TLE5: variants seen among roughly 807,000 people sequenced by gnomAD.
The protein encoded by TLE5 is TLE family member 5, transcriptional modulator.
TLE5 carries 7 observed loss-of-function variants against 25.8 expected under a neutral mutation model. That is an observed-to-expected ratio of 0.27 (90% CI 0.15 to 0.51). The LOEUF is 0.51. Ranked by LOEUF, TLE5 falls within the 20% of genes least tolerant of loss-of-function variation. The probability of loss-of-function intolerance (pLI) is 0.97; values close to 1 mark genes in which losing one functional copy is unlikely to be tolerated. For missense variants in TLE5, 149 were observed against 250.7 expected (o/e 0.59, Z 2.74); for synonymous variants, 132 against 110.5 (o/e 1.20, Z -1.22).
At position 3,054,004 on chromosome 19, in the gene TLE5, C is replaced by T; in HGVS notation, c.409G>A (p.Ala137Thr). Reference protein sequence around the residue: ...LQAHQLSQLQALALPLTPLPV... With the variant: ...LQAHQLSQLQTLALPLTPLPV... ...AGTGGGGTCAAGGGCAGGGCCAGGG[C>T]CTGCAGCTGGGACAGCTGGTGGGCT... Residue 137 changes from alanine to threonine, a missense_variant, in exon 7 of 7, where the codon GCC becomes ACC. Ala to Thr is a moderately conservative substitution (Grantham distance 58). Coordinates refer to ENST00000327141, the MANE Select transcript of TLE5 (RefSeq NM_001130.6). 1 of 1,605,516 alleles carries T rather than the reference C, an allele frequency of 6.2e-7. No individual in the cohort carries two copies. The highest frequency in any genetic ancestry group is 8.5e-7 in the Non-Finnish European group (1 of 1,176,970).
At chr19:3,057,789 G>A (rs774855281) in intron 2 of TLE5, 47 bp from the exon 3 acceptor site, 13 of 1,571,932 alleles carry the variant, frequency 8.3e-6, no homozygotes, top group Middle Eastern at 1.7e-4. Flanking sequence ...GCGGCTGGGC[G>A]GGAGCCCCCC....
At chr19:3,056,681 A>C in intron 3 of TLE5, 1 of 525,964 alleles carries the variant, frequency 1.9e-6, no homozygotes, top group Non-Finnish European at 3.6e-6. Context: ...AGGGCTCCTA[A>C]TCTTGTATCT....
At chr19:3,059,732 C>T (rs1014776511) in intron 2 of TLE5, among the ~76,000 whole-genome samples, 1 of 152,104 alleles carries the variant, frequency 6.6e-6, no homozygotes, top group African/African-American at 2.4e-5. Context: ...TCCGGCTTAG[C>T]AGAGGTCACA....
At chr19:3,055,881 G>A (rs997495873) in intron 4 of TLE5, 155 bp from the exon 5 acceptor site, 4 of 719,172 alleles carry the variant, frequency 5.6e-6, no homozygotes, top group Non-Finnish European at 6.5e-6. Context: ...AGCCGTGTTC[G>A]GGCCCGAGGG....
In TLE5 at chr19:3,054,173, C is replaced by T; in HGVS notation, c.319G>A (p.Ala107Thr). 1 of 1,596,230 alleles carries T rather than the reference C, an allele frequency of 6.3e-7. No individual in the cohort carries two copies. Among genetic ancestry groups the T allele is most frequent in the Non-Finnish European group, 8.5e-7 (1 of 1,175,472 alleles). ...GTGACCTGCTTGGCCCTCTCAATGG[C>T]TCCCAAGACCTGCTGCTGGTGCTGG... Reference protein sequence around the residue: ...SQEHQQQVLGAIERAKQVTAP... With the variant: ...SQEHQQQVLGTIERAKQVTAP... The change falls in exon 6 of 7, where the codon GCC becomes ACC. Residue 107 changes from alanine (A) to threonine (T), a missense_variant. Physicochemically the swap from Ala to Thr is moderately conservative, Grantham distance 58. Transcript: ENST00000327141.
chr19:3,055,615 G>A, intron 5 of TLE5, 49 bp downstream of exon 5: 1 of 1,525,418 alleles, frequency 6.6e-7, no homozygotes, highest in South Asian at 1.2e-5. Context: ...CAGGGGCTGG[G>A]CAAGTGCGGG....
chr19:3,056,025 CT>C, intron 4 of TLE5: 1 of 519,440 alleles, frequency 1.9e-6, no homozygotes, highest in Non-Finnish European at 3.4e-6. Flanking sequence ...GTAGTAAGCG[CT>C]TGTGCGAATG....
At position 3,055,659 on chromosome 19, in the gene TLE5, CT is replaced by C; in HGVS notation, c.297+4del. 1 of 1,595,824 alleles carries C rather than the reference CT, an allele frequency of 6.3e-7. No homozygotes were observed. Among genetic ancestry groups the C allele is most frequent in the Non-Finnish European group, 8.5e-7 (1 of 1,171,818 alleles). The stretch of plus-strand genomic sequence containing the variant: ...ACAACCCCTCCCCAAGGCCCTGGCT[CT>C]TACCTCTTGGGAGAGGTAGGGCAGG... On this transcript the variant is annotated splice_donor_region_variant and intron_variant, in intron 5 of 6. Transcript: ENST00000327141.
Position 3,053,681 on chromosome 19 carries a change from C to T in TLE5, c.*138G>A. 1 of 1,032,348 alleles carries T rather than the reference C, an allele frequency of 9.7e-7. No homozygotes were observed. The highest frequency in any genetic ancestry group is 1.4e-6 in the Non-Finnish European group (1 of 728,486). The allele number at this position is 1,032,348 out of a possible 1,614,324, so 63.9% of individuals were successfully genotyped here. A position where few individuals can be genotyped will look rare whatever the true frequency, so the allele number is the denominator to read the frequency against. ...TGGCCTGCAAGCTGGGCTGGGGCCCCCGCCGGCGGCCACCATAAATACTAT... is the reference window on the plus strand; with the variant it reads ...TGGCCTGCAAGCTGGGCTGGGGCCCTCGCCGGCGGCCACCATAAATACTAT... On this transcript the variant is annotated 3_prime_UTR_variant, in exon 7 of 7. Coordinates refer to ENST00000327141, the MANE Select transcript of TLE5 (RefSeq NM_001130.6).
chr19:3,061,886 T>TGGG (rs376264879), intron 1 of TLE5, among the ~76,000 whole-genome samples: 36 of 60,442 alleles, frequency 6.0e-4, no homozygotes, highest in South Asian at 2.2e-3. Context: ...CCCGGCGGGT[T>TGGG]GGGGGGGGGG....
rs375769156 is a variant in TLE5 at position 3,056,382 on chromosome 19, C to T, written c.190-26G>A. 473 of 665,746 alleles carry T rather than the reference C, an allele frequency of 7.1e-4. 5 individuals are homozygous for T. The highest frequency in any genetic ancestry group is 2.5e-3 in the South Asian group (111 of 44,272). 41.2% of individuals were successfully genotyped at this position (665,746 alleles called of 1,614,324 possible). A position where few individuals can be genotyped will look rare whatever the true frequency, so the allele number is the denominator to read the frequency against. On this transcript the variant is annotated intron_variant, in intron 3 of 6. Coordinates refer to ENST00000327141, the MANE Select transcript of TLE5 (RefSeq NM_001130.6). ...CTGTATGGGGGAGAGAGAGGGGGAG[C>T]GGGAGATGGGGGTGGGGAAGGATGG...
intron 1 of TLE5, chr19:3,061,524 T>TG (rs911831759): frequency 5.2e-5 from 14 of 271,316 alleles, no homozygotes; most frequent in Middle Eastern, 1.2e-3. Flanking sequence ...CCGCCCTAGA[T>TG]GGGGGGCAGG....
chr19:3,061,498 G>A (rs1278604082), intron 1 of TLE5: 1 of 322,646 alleles, frequency 3.1e-6, no homozygotes, highest in Admixed American at 5.0e-5. Flanking sequence ...CAGGCAGTGG[G>A]GGTGCGTTTT....
At chr19:3,060,171 G>A (rs756580402) in intron 2 of TLE5, among the ~76,000 whole-genome samples, 3 of 152,062 alleles carry the variant, frequency 2.0e-5, no homozygotes, top group Admixed American at 6.6e-5. Context: ...TCCCAGGCCC[G>A]GCGTGCCCCT....
rs1166168447 is a variant in TLE5 at position 3,062,272 on chromosome 19, C to G, written c.-72G>C. ...GGCTCGGGCTGCTGGGGGCGCCGGG[C>G]GGCCGCGCCTTTGTCCCGGCGCCGA... On this transcript the variant is annotated 5_prime_UTR_variant, in exon 1 of 7. Coordinates refer to ENST00000327141, the MANE Select transcript of TLE5 (RefSeq NM_001130.6). 2 of 1,022,642 alleles carry G rather than the reference C, an allele frequency of 2.0e-6. No homozygotes were observed. The highest frequency in any genetic ancestry group is 3.5e-5 in the African/African-American group (2 of 57,544). 63.3% of individuals were successfully genotyped at this position (1,022,642 alleles called of 1,614,324 possible).
chr19:3,054,483 A>G, intron 5 of TLE5: 1 of 541,660 alleles, frequency 1.8e-6, no homozygotes, highest in South Asian at 2.1e-5. Context: ...TGAGCCCGGG[A>G]GAAACCCTGG....
intron 5 of TLE5, chr19:3,054,984 T>C (rs1307266176): frequency 2.0e-5 from 3 of 152,312 alleles, no homozygotes; most frequent in African/African-American, 7.2e-5. Context: ...GGGCCTTACA[T>C]GGCCCTGGGG....
chr19:3,054,363 G>T (rs1814645917), intron 5 of TLE5, 169 bp from the exon 6 acceptor site: 1 of 628,348 alleles, frequency 1.6e-6, no homozygotes, highest in African/African-American at 1.8e-5. Flanking sequence ...CTCTCCAACT[G>T]CTTCCTTTCA....
In TLE5 at chr19:3,053,908, G is replaced by C. The variant is rs1438247142; in HGVS notation, c.505C>G (p.Leu169Val). 1 of 1,613,022 alleles carries C rather than the reference G, an allele frequency of 6.2e-7. No homozygotes were observed. The highest frequency in any genetic ancestry group is 8.5e-7 in the Non-Finnish European group (1 of 1,180,010). Reference protein sequence around the residue: ...AGTGLLSLSALGSQAHLSKED... With the variant: ...AGTGLLSLSAVGSQAHLSKED... ...TTGGAGAGGTGGGCCTGGGAACCCAGCGCGGACAGCGAGAGGAGGCCGGTG... is the reference window on the plus strand; with the variant it reads ...TTGGAGAGGTGGGCCTGGGAACCCACCGCGGACAGCGAGAGGAGGCCGGTG... The change falls in exon 7 of 7, where the codon CTG becomes GTG. Residue 169 changes from leucine to valine, a missense_variant. By Grantham distance (32) the Leu-to-Val change is conservative (BLOSUM62 1). Coordinates refer to ENST00000327141, the MANE Select transcript of TLE5 (RefSeq NM_001130.6).
Sources: gnomAD v4.1 joint callset for allele counts (sites outside exome capture counted in the v4.1 genomes callset) on GRCh38, gnomAD v4.1.1 for gene constraint, MANE v1.5 for transcripts, NCBI Gene and HGNC (gene_info 2026-07-23, HGNC 2026-07-21) for gene names.